SYN3: variants seen among roughly 807,000 people sequenced by gnomAD.
SYN3 encodes the protein synapsin III.
SYN3 carries 35 observed loss-of-function variants against 65.8 expected under a neutral mutation model. That is an observed-to-expected ratio of 0.53 (90% CI 0.41 to 0.70). The LOEUF is 0.70. Among genes scored for constraint, SYN3 ranks in the 30% least tolerant of loss-of-function variants. The pLI is 0.00. For synonymous variants in SYN3, 270 were observed against 292.9 expected, an observed-to-expected ratio of 0.92 and a Z score of 0.80; for missense variants, 680 against 749.0, an observed-to-expected ratio of 0.91 and a Z score of 1.08.
intron 4 of SYN3, among the ~76,000 whole-genome samples, chr22:32,924,896 A>C (rs2050427958): frequency 6.6e-6 from 1 of 152,116 alleles, no homozygotes; most frequent in South Asian, 2.1e-4. Flanking sequence ...GTTCGATACC[A>C]GCTTGGGCAA....
chr22:32,944,694 G>C (rs1208081344), intron 3 of SYN3, among the ~76,000 whole-genome samples: 1 of 152,114 alleles, frequency 6.6e-6, no homozygotes, highest in East Asian at 1.9e-4. Flanking sequence ...TTCTGGCCAG[G>C]GCAATCAGGC....
chr22:32,732,807 T>C (rs2061287569), intron 6 of SYN3, among the ~76,000 whole-genome samples: 1 of 152,246 alleles, frequency 6.6e-6, no homozygotes, highest in African/African-American at 2.4e-5. Flanking sequence ...AAACCATATT[T>C]ACTGACCATC....
intron 7 of SYN3, among the ~76,000 whole-genome samples, chr22:32,556,950 C>A (rs899759594): frequency 6.6e-6 from 1 of 151,520 alleles, no homozygotes; most frequent in African/African-American, 2.4e-5. Context: ...TGAGTCACTG[C>A]ACCCAGCCTA....
chr22:32,549,248 C>T (rs1320834035), intron 7 of SYN3, among the ~76,000 whole-genome samples: 1 of 151,908 alleles, frequency 6.6e-6, no homozygotes, highest in African/African-American at 2.4e-5. Context: ...ATGAGGATAA[C>T]ATGCAAGCTT....
intron 6 of SYN3, among the ~76,000 whole-genome samples, chr22:32,739,656 C>T (rs1468950170): frequency 6.6e-6 from 1 of 152,222 alleles, no homozygotes; most frequent in African/African-American, 2.4e-5. Context: ...TGATCCCCCA[C>T]CTCCACCTCT....
Position 32,549,483 on chromosome 22 carries a change from G to A in SYN3, c.775-7770C>T, listed in dbSNP as rs187343539. On this transcript the variant is annotated intron_variant, in intron 7 of 13. Coordinates refer to ENST00000358763, the MANE Select transcript of SYN3 (RefSeq NM_003490.4). ...GCCCAGGCTGGTCTTAAACTGCTGG[G>A]CTCAAGCAATTCTCCGGCCTTGGCT... 3.3e-3 allele frequency among the ~76,000 whole-genome samples: 505 copies of A among 152,250 alleles called. 2 individuals are homozygous for A. Among genetic ancestry groups the A allele is most frequent in the African/African-American group, 0.012 (485 of 41,548 alleles).
At chr22:32,796,322 A>G (rs558930962) in intron 6 of SYN3, among the ~76,000 whole-genome samples, 2 of 152,204 alleles carry the variant, frequency 1.3e-5, no homozygotes, top group Non-Finnish European at 2.9e-5. Flanking sequence ...TACTGCACAC[A>G]TGTGTTTTCT....
At chr22:32,569,310 T>C in intron 7 of SYN3, among the ~76,000 whole-genome samples, 1 of 131,748 alleles carries the variant, frequency 7.6e-6, no homozygotes, top group South Asian at 2.5e-4. Context: ...TACACCTATC[T>C]ATATAAAATC....
chr22:32,550,731 C>T (rs1298422599), intron 7 of SYN3, among the ~76,000 whole-genome samples: 2 of 151,352 alleles, frequency 1.3e-5, no homozygotes, highest in Admixed American at 6.6e-5. Flanking sequence ...ACATATTTAG[C>T]ACCCAGATTG....
At chr22:32,596,535 AT>A (rs1272023798) in intron 7 of SYN3, 138 bp downstream of exon 7, 6 of 778,772 alleles carry the variant, frequency 7.7e-6, no homozygotes, top group Non-Finnish European at 1.2e-5. Context: ...GGGGAAGGAG[AT>A]GTACTATGGA....
chr22:32,823,375 G>C (rs567256165), intron 6 of SYN3, among the ~76,000 whole-genome samples: 1 of 152,260 alleles, frequency 6.6e-6, no homozygotes, highest in Non-Finnish European at 1.5e-5. Flanking sequence ...AGCTGTGAGT[G>C]GGGTGGATGT....
intron 6 of SYN3, among the ~76,000 whole-genome samples, chr22:32,602,703 G>A (rs996722662): frequency 7.9e-5 from 12 of 152,086 alleles, no homozygotes; most frequent in African/African-American, 2.9e-4. Flanking sequence ...CTTGTGATCC[G>A]CTTGCCTCGG....
chr22:33,040,977 T>C (rs9609693), intron 1 of SYN3, among the ~76,000 whole-genome samples: 27,533 of 150,182 alleles, frequency 0.18, 2,808 homozygotes, highest in East Asian at 0.42. Flanking sequence ...TGCAGTGGCA[T>C]GATCTCGGCT....
intron 6 of SYN3, among the ~76,000 whole-genome samples, chr22:32,699,926 C>T (rs2060788857): frequency 6.6e-6 from 1 of 152,216 alleles, no homozygotes; most frequent in Non-Finnish European, 1.5e-5. Flanking sequence ...TAGAAGAGCA[C>T]TTTGAGGTCA....
intron 6 of SYN3, among the ~76,000 whole-genome samples, chr22:32,760,608 A>C (rs1025778439): frequency 6.6e-6 from 1 of 152,044 alleles, no homozygotes; most frequent in Non-Finnish European, 1.5e-5. Context: ...ACATCACACC[A>C]GCCTCCCACC....
chr22:32,988,171 G>C lies in SYN3; in HGVS notation c.312-7469C>G, dbSNP rs562426389. ...AAAATACAAAAATTAGCCAGGCATG[G>C]TGGTGCATGCCTGTAATCCCAGCTA... On this transcript the variant is annotated intron_variant, in intron 2 of 13. Coordinates refer to ENST00000358763, the MANE Select transcript of SYN3 (RefSeq NM_003490.4). 1.4e-3 allele frequency among the ~76,000 whole-genome samples: 210 copies of C among 152,084 alleles called. 1 individual carries two copies. Among genetic ancestry groups the C allele is most frequent in the African/African-American group, 4.9e-3 (203 of 41,514 alleles).
At chr22:32,549,498 C>T (rs886685455) in intron 7 of SYN3, among the ~76,000 whole-genome samples, 23 of 152,174 alleles carry the variant, frequency 1.5e-4, no homozygotes, top group African/African-American at 4.1e-4. Context: ...AGCAATTCTC[C>T]GGCCTTGGCT....
chr22:32,884,360 G>A (rs952964707), intron 4 of SYN3, among the ~76,000 whole-genome samples: 3 of 152,120 alleles, frequency 2.0e-5, no homozygotes, highest in Admixed American at 6.5e-5. Flanking sequence ...AACAACTGTG[G>A]GATCCCAGGA....
Position 32,938,898 on chromosome 22 carries a change from G to A in SYN3, c.370-7417C>T, listed in dbSNP as rs141608643. 3.5e-3 allele frequency among the ~76,000 whole-genome samples: 524 copies of A among 148,692 alleles called. 1 individual carries two copies. The highest frequency in any genetic ancestry group is 0.011 in the African/African-American group (462 of 40,234). ...AGCAGAGACTGCACCACTGCACTTCGGCCTGGACAGCAGGGCAAGGCTTTG... is the reference window on the plus strand; with the variant it reads ...AGCAGAGACTGCACCACTGCACTTCAGCCTGGACAGCAGGGCAAGGCTTTG... On this transcript the variant is annotated intron_variant, in intron 3 of 13. Transcript: ENST00000358763.
Sources: gnomAD v4.1 joint callset for allele counts (sites outside exome capture counted in the v4.1 genomes callset) on GRCh38, gnomAD v4.1.1 for gene constraint, MANE v1.5 for transcripts, NCBI Gene and HGNC (gene_info 2026-07-23, HGNC 2026-07-21) for gene names.